AGBL4: variants seen among roughly 807,000 people sequenced by gnomAD.
The protein encoded by AGBL4 is AGBL carboxypeptidase 4.
AGBL4 carries 58 observed loss-of-function variants against 66.4 expected under a neutral mutation model. The ratio of observed to expected loss-of-function variants is 0.87; its 90% CI spans 0.71 to 1.09. The LOEUF (loss-of-function observed/expected upper bound fraction) is 1.09, where lower values mean the gene tolerates loss of function less well. AGBL4 is among the 50% of genes least tolerant of loss of function. The pLI is 0.00. For synonymous variants in AGBL4, 234 were observed against 222.9 expected, an observed-to-expected ratio of 1.05 and a Z score of -0.44; for missense variants, 579 against 631.0, an observed-to-expected ratio of 0.92 and a Z score of 0.88.
At chr1:49,869,276 T>G (rs1315297199) in intron 1 of AGBL4, among the ~76,000 whole-genome samples, 3 of 152,192 alleles carry the variant, frequency 2.0e-5, no homozygotes, top group Admixed American at 6.5e-5. Context: ...CTTATTCTAT[T>G]ATAAAGATAC....
At chr1:49,280,550 GGAA>G (rs1309266090) in intron 3 of AGBL4, among the ~76,000 whole-genome samples, 2 of 152,098 alleles carry the variant, frequency 1.3e-5, no homozygotes, top group Non-Finnish European at 2.9e-5. Flanking sequence ...AAAGTCTTTA[GGAA>G]GAAGGAAAGG....
chr1:49,594,128 T>C (rs1644806123), intron 3 of AGBL4, among the ~76,000 whole-genome samples: 1 of 152,126 alleles, frequency 6.6e-6, no homozygotes, highest in African/African-American at 2.4e-5. Flanking sequence ...GAATACTGTA[T>C]TTTCAGTATG....
intron 3 of AGBL4, among the ~76,000 whole-genome samples, chr1:49,291,599 A>T (rs142833107): frequency 6.6e-6 from 1 of 152,346 alleles, no homozygotes; most frequent in African/African-American, 2.4e-5. Flanking sequence ...GAACAAGAAA[A>T]CTAATCTGAG....
intron 3 of AGBL4, 142 bp from the exon 4 acceptor site, chr1:49,246,006 A>G (rs2148329263): frequency 1.7e-6 from 1 of 598,702 alleles, no homozygotes; most frequent in Non-Finnish European, 2.9e-6. Flanking sequence ...CACAGTGCTC[A>G]TGAGAATGTA....
chr1:49,857,590 T>A (rs1646466345), intron 1 of AGBL4, among the ~76,000 whole-genome samples: 2 of 152,102 alleles, frequency 1.3e-5, no homozygotes, highest in Non-Finnish European at 2.9e-5. Context: ...AGACAAATAA[T>A]TTTTAACAAA....
At chr1:49,136,952 T>C (rs1164585242) in intron 4 of AGBL4, among the ~76,000 whole-genome samples, 1 of 152,140 alleles carries the variant, frequency 6.6e-6, no homozygotes, top group Non-Finnish European at 1.5e-5. Context: ...CCCTTTCCAC[T>C]TAATAAAAAT....
intron 3 of AGBL4, among the ~76,000 whole-genome samples, chr1:49,484,715 T>A (rs1265061372): frequency 6.6e-6 from 1 of 151,946 alleles, no homozygotes; most frequent in Non-Finnish European, 1.5e-5. Context: ...TCAATAATAA[T>A]TTAATTGTAC....
chr1:49,503,033 C>T (rs1570893064), intron 3 of AGBL4, among the ~76,000 whole-genome samples: 2 of 152,158 alleles, frequency 1.3e-5, no homozygotes, highest in East Asian at 3.9e-4. Flanking sequence ...CCTGAGGGCC[C>T]CTACCATCAC....
chr1:49,280,140 G>C (rs1276569716), intron 3 of AGBL4, among the ~76,000 whole-genome samples: 1 of 151,908 alleles, frequency 6.6e-6, no homozygotes, highest in East Asian at 1.9e-4. Flanking sequence ...CCACCTAGAA[G>C]GGACTCAGCA....
chr1:49,912,116 G>A (rs1475530622), intron 1 of AGBL4, among the ~76,000 whole-genome samples: 2 of 152,180 alleles, frequency 1.3e-5, no homozygotes, highest in Non-Finnish European at 2.9e-5. Context: ...TAAAGAGATG[G>A]GCTCCCCAGC....
At chr1:48,990,798 A>T (rs1458540112) in intron 5 of AGBL4, among the ~76,000 whole-genome samples, 2 of 152,158 alleles carry the variant, frequency 1.3e-5, no homozygotes, top group Non-Finnish European at 2.9e-5. Flanking sequence ...CCATTATTTT[A>T]AACTGATGAC....
At chr1:48,913,924 T>C (rs1048585851) in intron 5 of AGBL4, among the ~76,000 whole-genome samples, 1 of 152,074 alleles carries the variant, frequency 6.6e-6, no homozygotes, top group East Asian at 1.9e-4. Context: ...GAAGGGTTGG[T>C]TTCGAATCTG....
chr1:49,235,252 C>T (rs926130513), intron 4 of AGBL4, among the ~76,000 whole-genome samples: 2 of 152,192 alleles, frequency 1.3e-5, no homozygotes, highest in East Asian at 3.9e-4. Flanking sequence ...CACTCATGTT[C>T]TGGCCTGTCT....
At chr1:48,653,229 T>A (rs935179893) in intron 8 of AGBL4, 108 bp downstream of exon 8, 2 of 847,902 alleles carry the variant, frequency 2.4e-6, no homozygotes, top group Non-Finnish European at 3.6e-6. Flanking sequence ...AATGAACTCA[T>A]GGGCAGCCTC....
chr1:48,669,303 T>A (rs1646239726), intron 6 of AGBL4, among the ~76,000 whole-genome samples: 1 of 152,184 alleles, frequency 6.6e-6, no homozygotes, highest in Admixed American at 6.5e-5. Flanking sequence ...GCAGGTGCCA[T>A]TTACTGAGTG....
intron 4 of AGBL4, among the ~76,000 whole-genome samples, chr1:49,231,482 CAG>C (rs1475448448): frequency 6.6e-6 from 1 of 152,182 alleles, no homozygotes. Context: ...GCCTAGTTAG[CAG>C]CAGATCATAG....
intron 3 of AGBL4, among the ~76,000 whole-genome samples, chr1:49,300,908 T>C (rs1323747114): frequency 6.6e-6 from 1 of 152,202 alleles, no homozygotes; most frequent in African/African-American, 2.4e-5. Context: ...TCGTAAGCCA[T>C]GGTTAGAAAT....
intron 4 of AGBL4, among the ~76,000 whole-genome samples, chr1:49,130,028 T>A (rs189868067): frequency 1.1e-3 from 160 of 152,348 alleles, no homozygotes; most frequent in Non-Finnish European, 8.1e-4. Context: ...AGATGGTATC[T>A]CATAGTGGTT....
At chr1:49,128,453 GT>G (rs1163730893) in intron 4 of AGBL4, among the ~76,000 whole-genome samples, 2 of 151,990 alleles carry the variant, frequency 1.3e-5, no homozygotes, top group Non-Finnish European at 2.9e-5. Flanking sequence ...GATTTTAAGA[GT>G]TTTTATAAAG....
Sources: allele counts gnomAD v4.1 joint callset (sites outside exome capture counted in the v4.1 genomes callset), GRCh38; gene constraint gnomAD v4.1.1; transcripts MANE v1.5; gene names NCBI Gene and HGNC (gene_info 2026-07-23, HGNC 2026-07-21).